Variants in RAP1GDS1 observed in about 807,000 individuals in gnomAD.
RAP1GDS1 encodes Rap1 GTPase-GDP dissociation stimulator 1, also known as RAP1, GTP-GDP dissociation stimulator 1.
A neutral mutation model predicts 71.1 loss-of-function variants in RAP1GDS1; 35 were observed. The observed-to-expected ratio is 0.49, with a 90% CI of 0.38 to 0.65. RAP1GDS1 has a LOEUF of 0.65. Ranked by LOEUF, RAP1GDS1 falls within the 30% of genes least tolerant of loss-of-function variation. RAP1GDS1 has a pLI of 0.00. For missense variants in RAP1GDS1, 663 were observed against 706.1 expected (o/e 0.94, Z 0.69); for synonymous variants, 229 against 243.1 (o/e 0.94, Z 0.54).
chr4:98,441,865 T>C (rs565679103), intron 14 of RAP1GDS1, 125 bp from the exon 15 acceptor site: 1 of 1,090,292 alleles, frequency 9.2e-7, no homozygotes, highest in African/African-American at 1.6e-5. Context: ...TACTGCTATG[T>C]CTTTTTCCAG....
chr4:98,312,730 GATATAT>G (rs199836923), intron 2 of RAP1GDS1, among the ~76,000 whole-genome samples: 1 of 150,956 alleles, frequency 6.6e-6, no homozygotes, highest in Non-Finnish European at 1.5e-5. Context: ...TAGATGTATA[GATATAT>G]ATATATAGAG....
At chr4:98,412,465 T>C (rs1166880145) in intron 7 of RAP1GDS1, among the ~76,000 whole-genome samples, 2 of 152,282 alleles carry the variant, frequency 1.3e-5, no homozygotes, top group African/African-American at 4.8e-5. Flanking sequence ...CAGTGAGCTA[T>C]GATCATACCA....
chr4:98,282,576 A>AT (rs61020374), intron 1 of RAP1GDS1, among the ~76,000 whole-genome samples: 9,414 of 133,458 alleles, frequency 0.071, 326 homozygotes, highest in Non-Finnish European at 0.083. Context: ...GGATTCATTG[A>AT]TTTTTTTTTT....
chr4:98,395,674 T>TAAAC (rs1178195292), intron 6 of RAP1GDS1, among the ~76,000 whole-genome samples: 1 of 152,196 alleles, frequency 6.6e-6, no homozygotes, highest in Non-Finnish European at 1.5e-5. Flanking sequence ...CAACCCTTTT[T>TAAAC]AAACATAGAT....
intron 1 of RAP1GDS1, among the ~76,000 whole-genome samples, chr4:98,274,364 A>G (rs1409058695): frequency 2.0e-5 from 3 of 152,164 alleles, no homozygotes; most frequent in Non-Finnish European, 4.4e-5. Flanking sequence ...AGAACTTATG[A>G]TGGTTAAATC....
chr4:98,305,811 A>G (rs764199400), intron 2 of RAP1GDS1, among the ~76,000 whole-genome samples: 11 of 152,208 alleles, frequency 7.2e-5, no homozygotes, highest in Admixed American at 2.0e-4. Flanking sequence ...AACATTAGCT[A>G]ATGAATGTTA....
intron 2 of RAP1GDS1, among the ~76,000 whole-genome samples, chr4:98,334,409 T>C (rs1485935684): frequency 6.6e-6 from 1 of 152,232 alleles, no homozygotes; most frequent in Non-Finnish European, 1.5e-5. Flanking sequence ...ACTGGCTGAA[T>C]TGTATGAGAA....
chr4:98,365,449 C>T (rs1364077521), intron 4 of RAP1GDS1, among the ~76,000 whole-genome samples: 1 of 151,566 alleles, frequency 6.6e-6, no homozygotes, highest in Non-Finnish European at 1.5e-5. Context: ...ACCCCCTATC[C>T]CCTCTCTACA....
intron 2 of RAP1GDS1, among the ~76,000 whole-genome samples, chr4:98,304,637 G>A (rs1186765013): frequency 6.6e-6 from 1 of 152,116 alleles, no homozygotes; most frequent in African/African-American, 2.4e-5. Context: ...TTCCCATTCT[G>A]TAGGTGGTCA....
At chr4:98,411,111 T>C (rs1489259969) in intron 7 of RAP1GDS1, among the ~76,000 whole-genome samples, 1 of 152,260 alleles carries the variant, frequency 6.6e-6, no homozygotes, top group African/African-American at 2.4e-5. Flanking sequence ...ACATGATACA[T>C]ACAAGTGTAC....
At chr4:98,308,531 T>C (rs1388388989) in intron 2 of RAP1GDS1, among the ~76,000 whole-genome samples, 1 of 151,536 alleles carries the variant, frequency 6.6e-6, no homozygotes, top group Non-Finnish European at 1.5e-5. Flanking sequence ...ACCACAAATT[T>C]TTTGCCGAAT....
At chr4:98,368,389 C>G (rs191686987) in intron 4 of RAP1GDS1, among the ~76,000 whole-genome samples, 93 of 152,194 alleles carry the variant, frequency 6.1e-4, no homozygotes, top group African/African-American at 2.2e-3. Flanking sequence ...TCTTGGTTAA[C>G]TGAGATCCAT....
intron 7 of RAP1GDS1, among the ~76,000 whole-genome samples, chr4:98,412,981 G>C (rs898791381): frequency 6.6e-6 from 1 of 152,126 alleles, no homozygotes; most frequent in African/African-American, 2.4e-5. Flanking sequence ...ATGTTTGGCT[G>C]TGCACGTATT....
In RAP1GDS1 at chr4:98,443,533, A is replaced by G. The variant is rs1752122200; in HGVS notation, c.*1416A>G. 1 of 227,262 alleles carries G rather than the reference A, an allele frequency of 4.4e-6. No homozygotes were observed. The allele number at this position is 227,262 out of a possible 1,614,324, so 14.1% of individuals were successfully genotyped here. A position where few individuals can be genotyped will look rare whatever the true frequency, so the allele number is the denominator to read the frequency against. ...AAGACAGTAGAAAGGGCTGCCACGG[A>G]GGTGACAGTAGCTCCTTCCTCTCCA... On this transcript the variant is annotated 3_prime_UTR_variant, in exon 15 of 15. Coordinates refer to ENST00000408927, the MANE Select transcript of RAP1GDS1 (RefSeq NM_001100427.2).
intron 2 of RAP1GDS1, among the ~76,000 whole-genome samples, chr4:98,320,826 C>T (rs1731733468): frequency 7.7e-6 from 1 of 129,102 alleles, no homozygotes; most frequent in African/African-American, 3.0e-5. Flanking sequence ...GGGGAAAAAA[C>T]AGAACAGAAA....
intron 4 of RAP1GDS1, among the ~76,000 whole-genome samples, chr4:98,372,589 C>G (rs1345026402): frequency 1.3e-5 from 2 of 152,188 alleles, no homozygotes; most frequent in Non-Finnish European, 2.9e-5. Flanking sequence ...AATCAATCAC[C>G]TTACTGTACA....
rs1257772386 is a variant in RAP1GDS1 at position 98,417,009 on chromosome 4, G to A, written c.907+121G>A. ...TATTCCTATCTCACCTGCTATTGAG[G>A]TGATGATTTTGACATCTTAAACATG... On this transcript the variant is annotated intron_variant, in intron 8 of 14. Coordinates refer to ENST00000408927, the MANE Select transcript of RAP1GDS1 (RefSeq NM_001100427.2). 2.6e-6 allele frequency: 3 copies of A among 1,170,988 alleles called. No individual in the cohort carries two copies. In the Admixed American group the frequency reaches 7.0e-5, roughly 27 times the overall value. 72.5% of individuals were successfully genotyped at this position (1,170,988 alleles called of 1,614,324 possible).
intron 1 of RAP1GDS1, among the ~76,000 whole-genome samples, chr4:98,271,369 A>G (rs1334583949): frequency 6.6e-6 from 1 of 152,040 alleles, no homozygotes; most frequent in Non-Finnish European, 1.5e-5. Context: ...GTTTAACTAA[A>G]CGCCTTTCTC....
At chr4:98,419,611 G>A (rs1748516447) in intron 10 of RAP1GDS1, among the ~76,000 whole-genome samples, 1 of 152,092 alleles carries the variant, frequency 6.6e-6, no homozygotes, top group Admixed American at 6.5e-5. Context: ...CAATCCATTT[G>A]AATTCATTTG....
Sources: gnomAD v4.1 joint callset for allele counts (sites outside exome capture counted in the v4.1 genomes callset) on GRCh38, gnomAD v4.1.1 for gene constraint, MANE v1.5 for transcripts, NCBI Gene and HGNC (gene_info 2026-07-23, HGNC 2026-07-21) for gene names.